The following NPAS3 variants were observed in gnomAD, a reference collection of about 807,000 sequenced individuals.
NPAS3 encodes neuronal PAS domain protein 3.
In NPAS3, 14 loss-of-function variants were observed where a neutral mutation model predicts 73.1. The ratio of observed to expected loss-of-function variants is 0.19; its 90% CI spans 0.13 to 0.30. The LOEUF is 0.30. Among genes scored for constraint, NPAS3 ranks in the 10% least tolerant of loss-of-function variants. NPAS3 has a pLI of 1.00. For synonymous variants in NPAS3, 620 were observed against 541.5 expected (o/e 1.14, Z -2.01); for missense variants, 1,096 against 1,250.0 (o/e 0.88, Z 1.86).
intron 2 of NPAS3, among the ~76,000 whole-genome samples, chr14:33,143,402 A>T (rs908215076): frequency 6.6e-6 from 1 of 152,074 alleles, no homozygotes; most frequent in East Asian, 1.9e-4. Flanking sequence ...GAGGCAGGAG[A>T]ATCGCTTGGT....
intron 5 of NPAS3, among the ~76,000 whole-genome samples, chr14:33,610,266 C>G (rs1354567970): frequency 1.3e-5 from 2 of 152,138 alleles, no homozygotes; most frequent in Non-Finnish European, 2.9e-5. Flanking sequence ...TATGTCTGGG[C>G]AGAAAGTCAA....
At chr14:33,332,243 C>T (rs1398169906) in intron 3 of NPAS3, among the ~76,000 whole-genome samples, 3 of 152,114 alleles carry the variant, frequency 2.0e-5, no homozygotes, top group African/African-American at 7.2e-5. Context: ...AGTTGCTTGG[C>T]TTGACCTCTT....
chr14:33,222,977 G>A (rs1284209868), intron 3 of NPAS3, among the ~76,000 whole-genome samples: 5 of 152,078 alleles, frequency 3.3e-5, no homozygotes, highest in Non-Finnish European at 5.9e-5. Flanking sequence ...CCTGCCCTGT[G>A]GTAGGGTTCC....
intron 1 of NPAS3, among the ~76,000 whole-genome samples, chr14:32,947,320 T>A (rs1343466853): frequency 6.6e-6 from 1 of 152,100 alleles, no homozygotes; most frequent in African/African-American, 2.4e-5. Flanking sequence ...GATGGCAGTA[T>A]TTCAATGGTG....
intron 2 of NPAS3, among the ~76,000 whole-genome samples, chr14:33,145,470 T>G (rs2044206320): frequency 6.6e-6 from 1 of 152,198 alleles, no homozygotes; most frequent in Non-Finnish European, 1.5e-5. Context: ...GCTTCTTCAG[T>G]TTTGGCCTTG....
chr14:33,440,088 C>T (rs1304505947), intron 4 of NPAS3, among the ~76,000 whole-genome samples: 1 of 149,298 alleles, frequency 6.7e-6, no homozygotes, highest in East Asian at 2.0e-4. Flanking sequence ...TGCACTCCAG[C>T]CTGGGCAACA....
intron 4 of NPAS3, among the ~76,000 whole-genome samples, chr14:33,420,218 A>G (rs2048314654): frequency 6.6e-6 from 1 of 151,860 alleles, no homozygotes; most frequent in Admixed American, 6.6e-5. Flanking sequence ...TCACTTTTAA[A>G]TTTCCTCATC....
chr14:33,669,702 G>A (rs536483530), intron 5 of NPAS3, among the ~76,000 whole-genome samples: 1 of 152,170 alleles, frequency 6.6e-6, no homozygotes, highest in African/African-American at 2.4e-5. Flanking sequence ...CCAAATAACT[G>A]GGCCCAATGA....
chr14:33,496,927 A>C (rs1323291711), intron 4 of NPAS3, among the ~76,000 whole-genome samples: 5 of 152,190 alleles, frequency 3.3e-5, no homozygotes, highest in Non-Finnish European at 5.9e-5. Context: ...TACAGATGAC[A>C]TGATTGTATA....
chr14:33,690,816 C>G (rs909183761), intron 6 of NPAS3, among the ~76,000 whole-genome samples: 1 of 148,320 alleles, frequency 6.7e-6, no homozygotes, highest in African/African-American at 2.5e-5. Flanking sequence ...ATTCAGTAAA[C>G]TGGCATATTT....
At chr14:33,031,856 G>T (rs2040007468) in intron 1 of NPAS3, among the ~76,000 whole-genome samples, 1 of 152,222 alleles carries the variant, frequency 6.6e-6, no homozygotes, top group Admixed American at 6.5e-5. Flanking sequence ...TCTAGGTAGG[G>T]TAAATGATAC....
intron 9 of NPAS3, among the ~76,000 whole-genome samples, chr14:33,786,664 T>G (rs1334292870): frequency 6.6e-6 from 1 of 152,258 alleles, no homozygotes; most frequent in Non-Finnish European, 1.5e-5. Context: ...GTAAACTTAT[T>G]AGTGAAAATG....
At chr14:33,470,425 C>G (rs572641535) in intron 4 of NPAS3, among the ~76,000 whole-genome samples, 2 of 152,264 alleles carry the variant, frequency 1.3e-5, no homozygotes, top group East Asian at 1.9e-4. Flanking sequence ...GAACAAATCC[C>G]TTTACTATAA....
chr14:33,335,930 G>A (rs577895275), intron 3 of NPAS3, among the ~76,000 whole-genome samples: 38 of 152,290 alleles, frequency 2.5e-4, no homozygotes, highest in African/African-American at 7.7e-4. Context: ...TGTGAAAAAT[G>A]TGTTTCTGTT....
chr14:33,406,052 A>T (rs1197308348), intron 4 of NPAS3, among the ~76,000 whole-genome samples: 2 of 152,162 alleles, frequency 1.3e-5, no homozygotes, highest in African/African-American at 4.8e-5. Flanking sequence ...AACATAAGCA[A>T]TGAAGAAGAA....
rs774451495 is a variant in NPAS3, at chr14:33,800,267, G to A, written c.1960G>A (p.Glu654Lys). 1 of 1,613,468 alleles carries A rather than the reference G, an allele frequency of 6.2e-7. No individual in the cohort carries two copies. The highest frequency in any genetic ancestry group is 8.5e-7 in the Non-Finnish European group (1 of 1,179,688). ...GCTCAAGATCAAGACGGAGATCTCAGAACCCATCAATTTCGACAATGACAG... is the reference window on the plus strand; with the variant it reads ...GCTCAAGATCAAGACGGAGATCTCAAAACCCATCAATTTCGACAATGACAG... The change falls in exon 12 of 12, where the codon GAA becomes AAA. Residue 654 changes from glutamate to lysine, a missense_variant. By Grantham distance (56) the Glu-to-Lys change is moderately conservative (BLOSUM62 1). Coordinates refer to ENST00000356141, the Ensembl canonical transcript of NPAS3. This position sits in a 1 kb window ranked among gnomAD's most constrained non-coding sequence, Gnocchi z 6.5.
intron 2 of NPAS3, among the ~76,000 whole-genome samples, chr14:33,076,043 A>G (rs911011762): frequency 1.3e-5 from 2 of 152,198 alleles, no homozygotes; most frequent in Non-Finnish European, 2.9e-5. Flanking sequence ...ATTATTTATC[A>G]CCAGGCTTGA....
intron 4 of NPAS3, among the ~76,000 whole-genome samples, chr14:33,472,761 G>A (rs1707904963): frequency 6.7e-6 from 1 of 149,350 alleles, no homozygotes; most frequent in Non-Finnish European, 1.5e-5. Context: ...GTGAAAGCAG[G>A]TTTTGCTATG....
At chr14:33,489,007 T>TA (rs1301925802) in intron 4 of NPAS3, among the ~76,000 whole-genome samples, 1 of 152,208 alleles carries the variant, frequency 6.6e-6, no homozygotes, top group Admixed American at 6.5e-5. Flanking sequence ...GCTATAGCAG[T>TA]AAGCCCTTAA....
Sources: allele counts gnomAD v4.1 joint callset (sites outside exome capture counted in the v4.1 genomes callset), GRCh38; gene constraint gnomAD v4.1.1; non-coding constraint Gnocchi (gnomAD v3.1); transcripts MANE v1.5; gene names NCBI Gene and HGNC (gene_info 2026-07-23, HGNC 2026-07-21).